Variants in CADM2 observed in about 807,000 individuals in gnomAD.
CADM2 encodes the protein immunoglobulin superfamily member 4D.
A neutral mutation model predicts 49.8 loss-of-function variants in CADM2; 12 were observed. The observed-to-expected ratio is 0.24, with a 90% CI of 0.15 to 0.39. CADM2 has a LOEUF of 0.39. Among genes scored for constraint, CADM2 ranks in the 10% least tolerant of loss-of-function variants. The probability of loss-of-function intolerance (pLI) is 1.00; values close to 1 mark genes in which losing one functional copy is unlikely to be tolerated. For missense variants in CADM2, 378 were observed against 492.3 expected (o/e 0.77, Z 2.20); for synonymous variants, 214 against 175.4 (o/e 1.22, Z -1.74).
intron 3 of CADM2, among the ~76,000 whole-genome samples, chr3:85,820,820 AG>A (rs1263512770): frequency 6.6e-6 from 1 of 152,152 alleles, no homozygotes; most frequent in African/African-American, 2.4e-5. Flanking sequence ...AAGGAGTCCA[AG>A]GACTGAGTTC....
At chr3:85,271,245 C>T (rs1044281528) in intron 1 of CADM2, among the ~76,000 whole-genome samples, 14 of 151,228 alleles carry the variant, frequency 9.3e-5, no homozygotes, top group Non-Finnish European at 1.6e-4. Context: ...GTTTGTTTTG[C>T]TATAATCTTA....
chr3:85,647,124 G>A (rs1454567504), intron 1 of CADM2, among the ~76,000 whole-genome samples: 3 of 151,776 alleles, frequency 2.0e-5, no homozygotes, highest in Non-Finnish European at 3.0e-5. Context: ...TGGGAAAGAT[G>A]AGGGACAAAA....
chr3:85,553,112 TA>T (rs1289519938), intron 1 of CADM2, among the ~76,000 whole-genome samples: 1 of 152,054 alleles, frequency 6.6e-6, no homozygotes, highest in African/African-American at 2.4e-5. Context: ...ATTAAATAAA[TA>T]AAAAATACTA....
intron 1 of CADM2, among the ~76,000 whole-genome samples, chr3:84,962,221 AG>A (rs1310136907): frequency 6.6e-6 from 1 of 151,744 alleles, no homozygotes; most frequent in Non-Finnish European, 1.5e-5. Context: ...CTGTGGACTT[AG>A]GAGCATCTTA....
chr3:85,141,099 A>C (rs752057059), intron 1 of CADM2, among the ~76,000 whole-genome samples: 3 of 152,156 alleles, frequency 2.0e-5, no homozygotes, highest in Non-Finnish European at 4.4e-5. Flanking sequence ...TATTCTGCAA[A>C]ACCCTGGATT....
intron 1 of CADM2, among the ~76,000 whole-genome samples, chr3:85,200,430 G>C (rs1056248146): frequency 8.6e-5 from 13 of 152,032 alleles, no homozygotes; most frequent in Non-Finnish European, 1.8e-4. Context: ...TTGGTGGCGA[G>C]ATAAAGTTGA....
At chr3:85,416,054 A>G (rs2035905659) in intron 1 of CADM2, among the ~76,000 whole-genome samples, 1 of 152,148 alleles carries the variant, frequency 6.6e-6, no homozygotes, top group Non-Finnish European at 1.5e-5. Context: ...GAGGTTTTAT[A>G]CCAAAACATT....
intron 8 of CADM2, among the ~76,000 whole-genome samples, chr3:85,976,201 G>A (rs1047270983): frequency 6.6e-6 from 1 of 151,582 alleles, no homozygotes; most frequent in Non-Finnish European, 1.5e-5. Context: ...ATGGGCTGCA[G>A]TTTCCACCCT....
intron 3 of CADM2, among the ~76,000 whole-genome samples, chr3:85,816,597 A>G (rs577478157): frequency 6.6e-6 from 1 of 152,332 alleles, no homozygotes; most frequent in Non-Finnish European, 1.5e-5. Flanking sequence ...AAAATGAATG[A>G]GAAACCTCTA....
intron 1 of CADM2, among the ~76,000 whole-genome samples, chr3:85,644,108 C>G (rs1577004013): frequency 6.6e-6 from 1 of 152,184 alleles, no homozygotes; most frequent in Non-Finnish European, 1.5e-5. Context: ...CACTTATTTT[C>G]TCAGAGTTCT....
At chr3:85,325,803 A>G (rs1050182015) in intron 1 of CADM2, among the ~76,000 whole-genome samples, 4 of 152,102 alleles carry the variant, frequency 2.6e-5, no homozygotes, top group African/African-American at 9.7e-5. Flanking sequence ...ATTCCTTTCA[A>G]ATTTCCCCAT....
chr3:85,096,754 T>C (rs2037812106), intron 1 of CADM2, among the ~76,000 whole-genome samples: 1 of 152,142 alleles, frequency 6.6e-6, no homozygotes, highest in South Asian at 2.1e-4. Flanking sequence ...TTGTTCTTCC[T>C]TAAAATGTAC....
intron 3 of CADM2, among the ~76,000 whole-genome samples, chr3:85,864,687 C>T (rs2075659283): frequency 1.3e-5 from 2 of 152,276 alleles, no homozygotes; most frequent in African/African-American, 4.8e-5. Context: ...TACTTCTTTA[C>T]ATATTGACCT....
rs557682089 is a variant in CADM2, at chr3:85,468,661, A to G, written c.62-257861A>G. ...TAGCCTATAGTATAAATTTGGTTTCATTATACATCATTTCACTCAAAGTCA... is the reference window on the plus strand; with the variant it reads ...TAGCCTATAGTATAAATTTGGTTTCGTTATACATCATTTCACTCAAAGTCA... On this transcript the variant is annotated intron_variant, in intron 1 of 9. Coordinates refer to ENST00000383699, the MANE Select transcript of CADM2 (RefSeq NM_001167675.2). 5.9e-5 allele frequency among the ~76,000 whole-genome samples: 9 copies of G among 152,302 alleles called. No homozygotes were observed. In the South Asian group the frequency reaches 6.2e-4, roughly 11 times the overall value.
intron 1 of CADM2, among the ~76,000 whole-genome samples, chr3:85,508,493 T>A (rs2040457934): frequency 6.6e-6 from 1 of 152,150 alleles, no homozygotes; most frequent in African/African-American, 2.4e-5. Flanking sequence ...TCCAGCTACT[T>A]GGATGTTGGA....
At chr3:85,541,770 ATATT>A (rs199878260) in intron 1 of CADM2, among the ~76,000 whole-genome samples, 1 of 7,506 alleles carries the variant, frequency 1.3e-4, no homozygotes, top group East Asian at 0.045. Context: ...TATATATTTT[ATATT>A]TTATATATAT....
In CADM2 at chr3:85,809,790, C is replaced by CTCTCTCTT. The variant is rs1553690315; in HGVS notation, c.238+7597_238+7598insCTCTTTCT. Among the ~76,000 whole-genome samples, 911 of 98,946 alleles carry CTCTCTCTT rather than the reference C, an allele frequency of 9.2e-3. 133 individuals are homozygous for CTCTCTCTT. Among genetic ancestry groups the CTCTCTCTT allele is most frequent in the African/African-American group, 0.037 (808 of 21,718 alleles). 64.9% of individuals were successfully genotyped at this position (98,946 alleles called of 152,430 possible). On this transcript the variant is annotated intron_variant, in intron 3 of 9. Transcript: ENST00000383699. ...TCTCTCTCTCTCTCTCTCTCTCTCT[C>CTCTCTCTT]TCTTTCTTTCTTTCTTTCTTTCTGT...
At chr3:85,391,752 A>G (rs540293233) in intron 1 of CADM2, among the ~76,000 whole-genome samples, 2 of 152,134 alleles carry the variant, frequency 1.3e-5, no homozygotes, top group South Asian at 4.1e-4. Flanking sequence ...TTCTCTGAAA[A>G]GGTGATCTAC....
intron 3 of CADM2, among the ~76,000 whole-genome samples, chr3:85,853,309 A>G (rs1337440922): frequency 1.3e-5 from 2 of 151,998 alleles, no homozygotes; most frequent in African/African-American, 4.8e-5. Flanking sequence ...AAAAACAACA[A>G]CAACAACAAC....
Sources: allele counts gnomAD v4.1 joint callset (sites outside exome capture counted in the v4.1 genomes callset), GRCh38; gene constraint gnomAD v4.1.1; transcripts MANE v1.5; gene names NCBI Gene and HGNC (gene_info 2026-07-23, HGNC 2026-07-21).